The following CCNH variants were observed in gnomAD, a reference collection of about 807,000 sequenced individuals.
CCNH encodes the protein cyclin-H.
Under a neutral mutation model 41.9 loss-of-function variants are expected in CCNH, and 31 were observed. That is an observed-to-expected ratio of 0.74 (90% CI 0.56 to 1.00). CCNH has a LOEUF of 1.00. Ranked by LOEUF, CCNH falls within the 50% of genes least tolerant of loss-of-function variation. The pLI is 0.00. For missense variants in CCNH, 362 were observed against 388.4 expected (o/e 0.93, Z 0.57); for synonymous variants, 138 against 136.1 (o/e 1.01, Z -0.10).
At chr5:87,392,338 A>G (rs1211592596), downstream of CCNH, 1 of 455,818 alleles carries the variant, frequency 2.2e-6, no homozygotes, top group Non-Finnish European at 4.4e-6. Context: ...AGTTATTTCT[A>G]TGGGGGCTGC....
intron 3 of CCNH, 56 bp downstream of exon 3, chr5:87,409,234 A>C: frequency 9.6e-7 from 1 of 1,036,974 alleles, no homozygotes; most frequent in South Asian, 1.5e-5. Context: ...AAAAATACTC[A>C]AAAGATTATA....
rs541460196 is a variant in CCNH, at chr5:87,319,369, A to C, written c.*91-472T>G. Among the ~76,000 whole-genome samples, 14 of 152,328 alleles carry C rather than the reference A, an allele frequency of 9.2e-5. No individual in the cohort carries two copies. The East Asian group carries it at 2.3e-3, about 25-fold the overall frequency. Reference sequence around the variant, plus strand: ...TGCACTGCCCTAGTAGAGGGTCTCCATGAGGACTCTGGCCCTGTAGCGGAG... The same window carrying C: ...TGCACTGCCCTAGTAGAGGGTCTCCCTGAGGACTCTGGCCCTGTAGCGGAG... On this transcript the variant is annotated intron_variant and NMD_transcript_variant, in intron 9 of 9. Coordinates refer to the CCNH transcript ENST00000645953.
At chr5:87,330,909 A>G (rs1249066763) in intron 9 of CCNH, 3 of 1,349,994 alleles carry the variant, frequency 2.2e-6, no homozygotes, top group Non-Finnish European at 2.9e-6. Flanking sequence ...AAACACTAAA[A>G]TGGAATAAAA....
At chr5:87,352,796 A>T (rs912392442) in intron 9 of CCNH, among the ~76,000 whole-genome samples, 1 of 151,716 alleles carries the variant, frequency 6.6e-6, no homozygotes, top group Non-Finnish European at 1.5e-5. Flanking sequence ...GTTTCTGTGA[A>T]TTCTTCATTC....
At chr5:87,392,443 A>G (rs936908461), downstream of CCNH, 2 of 432,586 alleles carry the variant, frequency 4.6e-6, no homozygotes, top group Non-Finnish European at 9.2e-6. Flanking sequence ...AATTCATTCC[A>G]TTCTCTCCCT....
chr5:87,405,176 C>T (rs549359631), intron 4 of CCNH, among the ~76,000 whole-genome samples, 169 bp from the exon 5 acceptor site: 1 of 152,266 alleles, frequency 6.6e-6, no homozygotes, highest in African/African-American at 2.4e-5. Context: ...TTCTCTTGGT[C>T]CTTTTCCACC....
At chr5:87,377,025 G>C in exon 1 of CCNH, 1 of 1,613,748 alleles carries the variant, frequency 6.2e-7, no homozygotes, top group Non-Finnish European at 8.5e-7. Context: ...AAATGACAGA[G>C]AAATAAGCAT....
chr5:87,381,326 T>TATTG (rs1376155410), upstream of CCNH, among the ~76,000 whole-genome samples: 1 of 152,238 alleles, frequency 6.6e-6, no homozygotes, highest in African/African-American at 2.4e-5. Context: ...CCTTGAGTCT[T>TATTG]ATTGTAGGCT....
chr5:87,401,576 C>T, intron 6 of CCNH, 126 bp downstream of exon 6: 1 of 650,568 alleles, frequency 1.5e-6, no homozygotes, highest in Non-Finnish European at 2.6e-6. Context: ...TTCCATAATA[C>T]AGTAATTCAA....
downstream of CCNH, among the ~76,000 whole-genome samples, chr5:87,375,449 C>T (rs547146838): frequency 3.3e-5 from 5 of 152,092 alleles, no homozygotes; most frequent in East Asian, 3.9e-4. Flanking sequence ...TTAGTAGAGA[C>T]GGGGTTTCAG....
In CCNH at chr5:87,328,482, CAGAA is replaced by C. The variant is rs1326796930; in HGVS notation, c.*91-9589_*91-9586del. ...TTATTGCTGTGACTATTTGTAGAGG[CAGAA>C]AGTGTAGCATTTTTAAAAATTGAGT... On this transcript the variant is annotated intron_variant and NMD_transcript_variant, in intron 9 of 9. Transcript: ENST00000645953. Among the ~76,000 whole-genome samples, 5 of 152,092 alleles carry C rather than the reference CAGAA, an allele frequency of 3.3e-5. No individual in the cohort carries two copies. In the East Asian group the frequency reaches 9.6e-4, roughly 29 times the overall value.
At chr5:87,360,391 T>C (rs1323719316) in intron 9 of CCNH, among the ~76,000 whole-genome samples, 1 of 152,204 alleles carries the variant, frequency 6.6e-6, no homozygotes, top group Non-Finnish European at 1.5e-5. Flanking sequence ...CCTAAAGTAC[T>C]GGGATTAAAG....
At chr5:87,353,180 A>G in intron 9 of CCNH, 1 of 1,610,652 alleles carries the variant, frequency 6.2e-7, no homozygotes, top group Non-Finnish European at 8.5e-7. Context: ...ATAGATCACT[A>G]TCGAAAAGAA....
upstream of CCNH, chr5:87,379,833 T>C (rs773083852): frequency 3.1e-6 from 5 of 1,612,556 alleles, no homozygotes; most frequent in Non-Finnish European, 4.2e-6. Flanking sequence ...TATTCATGGC[T>C]TCAGAAATAC....
chr5:87,407,924 T>C lies in CCNH; in HGVS notation c.525+52A>G, dbSNP rs140164536. 3.2e-5 allele frequency: 43 copies of C among 1,350,144 alleles called. No homozygotes were observed. The East Asian group carries it at 9.6e-4, about 30-fold the overall frequency. The allele number at this position is 1,350,144 out of a possible 1,614,324, so 83.6% of individuals were successfully genotyped here. ...GTTTTAAAATTTTGGATTCTTTTGT[T>C]AAAGAATAGGAAAGGAGAATGTAGT... On this transcript the variant is annotated intron_variant, in intron 4 of 8. Transcript: ENST00000256897.
At chr5:87,335,398 G>A (rs1375339574) in intron 9 of CCNH, among the ~76,000 whole-genome samples, 1 of 149,752 alleles carries the variant, frequency 6.7e-6, no homozygotes, top group South Asian at 2.1e-4. Flanking sequence ...GATGAGATAG[G>A]TGAAGATAAT....
At chr5:87,380,668 A>G (rs544557117), upstream of CCNH, 27 of 1,312,308 alleles carry the variant, frequency 2.1e-5, no homozygotes, top group African/African-American at 3.1e-4. Flanking sequence ...AGGAATAACA[A>G]TATACAATTC....
chr5:87,411,322 G>C lies in CCNH; in HGVS notation c.142C>G (p.Leu48Val). 1 of 1,611,666 alleles carries C rather than the reference G, an allele frequency of 6.2e-7. No individual in the cohort carries two copies. The highest frequency in any genetic ancestry group is 8.5e-7 in the Non-Finnish European group (1 of 1,179,116). The change falls in exon 2 of 9, where the codon CTT becomes GTT. Residue 48 changes from leucine to valine, a missense_variant. Physicochemically the swap from Leu to Val is conservative, Grantham distance 32 (BLOSUM62 1). Transcript: ENST00000256897. ...GKVLPNDPVF[L>V]EPHEEMTLCK... ...AGTGTCATTTCTTCATGAGGCTCAA[G>C]AAAGACTGGATCATTCGGAAGAACC...
intron 9 of CCNH, among the ~76,000 whole-genome samples, chr5:87,334,017 CTGTAAG>C (rs1188796253): frequency 2.0e-5 from 3 of 152,080 alleles, no homozygotes; most frequent in Non-Finnish European, 1.5e-5. Context: ...GACAGCAGTT[CTGTAAG>C]TGTGTTTCAT....
Sources: gnomAD v4.1 joint callset for allele counts (sites outside exome capture counted in the v4.1 genomes callset) on GRCh38, gnomAD v4.1.1 for gene constraint, MANE v1.5 for transcripts, NCBI Gene and HGNC (gene_info 2026-07-23, HGNC 2026-07-21) for gene names.